The following ZNF331 variants were observed in gnomAD, a reference collection of about 807,000 sequenced individuals.
The protein encoded by ZNF331 is zinc finger protein 331.
Under a neutral mutation model 7.0 loss-of-function variants are expected in ZNF331, and 2 were observed. The observed-to-expected ratio is 0.29, with a 90% CI of 0.12 to 0.90. The LOEUF (loss-of-function observed/expected upper bound fraction) is 0.90, where lower values mean the gene tolerates loss of function less well. Ranked by LOEUF, ZNF331 falls within the 40% of genes least tolerant of loss-of-function variation. ZNF331 has a pLI of 0.58. For missense variants in ZNF331, 432 were observed against 587.7 expected, an observed-to-expected ratio of 0.74 and a Z score of 2.74; for synonymous variants, 196 against 205.4, an observed-to-expected ratio of 0.95 and a Z score of 0.39.
chr19:53,571,419 TTCAGTG>T lies in ZNF331; in HGVS notation c.10-184_10-179del, dbSNP rs1316981591. On this transcript the variant is annotated intron_variant, in intron 4 of 5. Coordinates refer to ENST00000449416, the MANE Select transcript of ZNF331 (RefSeq NM_001079906.2). The surrounding 1 kb of genome is among the most constrained non-coding windows in gnomAD (Gnocchi z 4.7). ...CATTTTCTCTGCAGCGGTAGAGCTC[TTCAGTG>T]ACATGCAGGCATTCTGCTTCCGTCA... Among the ~76,000 whole-genome samples the T allele has an allele frequency of 1.3e-5, 2 of 152,154 alleles. No homozygotes were observed. The highest frequency in any genetic ancestry group is 2.4e-5 in the African/African-American group (1 of 41,450).
rs2089586048 is a variant in ZNF331, at chr19:53,558,679, G to C, written c.-74+2771G>C. Among the ~76,000 whole-genome samples, 1 of 151,910 alleles carries C rather than the reference G, an allele frequency of 6.6e-6. No homozygotes were observed. Among genetic ancestry groups the C allele is most frequent in the Admixed American group, 6.6e-5 (1 of 15,250 alleles). ...GGCAGGTGAAAGGAGGGCAAGAGAA[G>C]ATGAGAGAGAGATTCTGCTTCCCGA... On this transcript the variant is annotated intron_variant, in intron 3 of 5. Coordinates refer to ENST00000449416, the MANE Select transcript of ZNF331 (RefSeq NM_001079906.2). The surrounding 1 kb of genome is among the most constrained non-coding windows in gnomAD (Gnocchi z 4.5).
At chr19:53,534,785 A>G (rs2087677140), upstream of ZNF331, among the ~76,000 whole-genome samples, 1 of 152,170 alleles carries the variant, frequency 6.6e-6, no homozygotes, top group Non-Finnish European at 1.5e-5. Context: ...TAGCAATTTA[A>G]GTCCATCTGC....
At chr19:53,529,133 T>G (rs191673450) in intron 2 of ZNF331, among the ~76,000 whole-genome samples, 1 of 152,278 alleles carries the variant, frequency 6.6e-6, no homozygotes, top group African/African-American at 2.4e-5. Flanking sequence ...CTGGGCGTGG[T>G]GGCTCACGCC....
intron 1 of ZNF331, among the ~76,000 whole-genome samples, chr19:53,522,426 G>A (rs113249047): frequency 8.6e-5 from 13 of 151,912 alleles, no homozygotes; most frequent in African/African-American, 2.9e-4. Context: ...TAGTAGAGAC[G>A]GGATTTCACC....
intron 2 of ZNF331, among the ~76,000 whole-genome samples, chr19:53,548,150 C>T (rs1414094938): frequency 6.6e-6 from 1 of 151,908 alleles, no homozygotes; most frequent in Non-Finnish European, 1.5e-5. Context: ...CCTCTGTCAC[C>T]CAGGCTGGAG....
rs1032294808 is a variant in ZNF331, at chr19:53,560,009, C to T, written c.-74+4101C>T. Among the ~76,000 whole-genome samples, 22 of 147,724 alleles carry T rather than the reference C, an allele frequency of 1.5e-4. No homozygotes were observed. The highest frequency in any genetic ancestry group is 2.2e-4 in the South Asian group (1 of 4,482). ...CACACCATATATACACACACATATACGCACACACACCCCATACACATGCAT... is the reference window on the plus strand; with the variant it reads ...CACACCATATATACACACACATATATGCACACACACCCCATACACATGCAT... On this transcript the variant is annotated intron_variant, in intron 3 of 5. Coordinates refer to ENST00000449416, the MANE Select transcript of ZNF331 (RefSeq NM_001079906.2). The surrounding 1 kb of genome is among the most constrained non-coding windows in gnomAD (Gnocchi z 4.3).
chr19:53,511,464 A>C, the ZNF331 span, among the ~76,000 whole-genome samples: 1 of 152,120 alleles, frequency 6.6e-6, no homozygotes, highest in African/African-American at 2.4e-5. Flanking sequence ...AAATAGAAGA[A>C]AATTTAAATC....
chr19:53,577,361 G>A lies in ZNF331; in HGVS notation c.801G>A (p.Gly267=). ...KLIQHKRIHS[G]EKPYECKDCG... ...TTCAGCACAAGAGAATTCATAGTGGGGAGAAGCCTTACGAGTGTAAAGACT... is the reference window on the plus strand; with the variant it reads ...TTCAGCACAAGAGAATTCATAGTGGAGAGAAGCCTTACGAGTGTAAAGACT... The change falls in exon 6 of 6, where the codon GGG becomes GGA. Residue 267 remains glycine (G), a synonymous_variant. Transcript: ENST00000449416. 4 of 1,614,110 alleles carry A rather than the reference G, an allele frequency of 2.5e-6. No individual in the cohort carries two copies. The highest frequency in any genetic ancestry group is 3.4e-6 in the Non-Finnish European group (4 of 1,180,032).
At chr19:53,550,682 T>G (rs917734187) in intron 2 of ZNF331, among the ~76,000 whole-genome samples, 3 of 150,714 alleles carry the variant, frequency 2.0e-5, no homozygotes, top group Non-Finnish European at 4.4e-5. Flanking sequence ...GATTACAGGC[T>G]CCTGCCACCA....
intron 3 of ZNF331, among the ~76,000 whole-genome samples, chr19:53,559,909 CACAT>C (rs1325222047): frequency 6.0e-5 from 9 of 150,898 alleles, no homozygotes; most frequent in African/African-American, 1.2e-4. Context: ...CACATATGTA[CACAT>C]ACATACCCAC....
Position 53,573,833 on chromosome 19 carries a change from C to A in ZNF331, c.136+2103C>A, listed in dbSNP as rs2090577177. Among the ~76,000 whole-genome samples the A allele has an allele frequency of 6.6e-6, 1 of 152,164 alleles. No homozygotes were observed. The highest frequency in any genetic ancestry group is 2.4e-5 in the African/African-American group (1 of 41,440). On this transcript the variant is annotated intron_variant, in intron 5 of 5. Coordinates refer to ENST00000449416, the MANE Select transcript of ZNF331 (RefSeq NM_001079906.2). The surrounding 1 kb of genome is among the most constrained non-coding windows in gnomAD (Gnocchi z 4.2). ...ATACTCAATCAAAAAAAATTTAAGGCCAGGCATGGTGGTTCACGCCTATAA... is the reference window on the plus strand; with the variant it reads ...ATACTCAATCAAAAAAAATTTAAGGACAGGCATGGTGGTTCACGCCTATAA...
At chr19:53,528,459 T>C (rs1455393971) in intron 2 of ZNF331, among the ~76,000 whole-genome samples, 1 of 152,246 alleles carries the variant, frequency 6.6e-6, no homozygotes, top group African/African-American at 2.4e-5. Flanking sequence ...CTATGTTTTA[T>C]GTAGATTATC....
At chr19:53,549,766 G>A (rs2088865003) in intron 2 of ZNF331, among the ~76,000 whole-genome samples, 1 of 147,230 alleles carries the variant, frequency 6.8e-6, no homozygotes, top group African/African-American at 2.5e-5. Context: ...TTTATTTTTT[G>A]CTCTAATCTT....
intron 2 of ZNF331, among the ~76,000 whole-genome samples, chr19:53,528,789 C>A (rs956188133): frequency 2.0e-5 from 3 of 149,198 alleles, no homozygotes; most frequent in Non-Finnish European, 4.5e-5. Context: ...TCAGATATTT[C>A]TTTTTTTTTT....
Position 53,526,803 on chromosome 19 carries a change from C to T in ZNF331, c.-205+4119C>T, listed in dbSNP as rs559632170. Among the ~76,000 whole-genome samples the T allele has an allele frequency of 1.8e-4, 27 of 151,858 alleles. No homozygotes were observed. The South Asian group carries it at 4.4e-3, about 25-fold the overall frequency. On this transcript the variant is annotated intron_variant, in intron 2 of 6. Transcript: ENST00000253144. ...TCCTGACCTCGTGATCCGCCCACCT[C>T]GGCCTCCCAAAGTGCTGGGATTACA...
chr19:53,560,109 TACAC>T lies in ZNF331; in HGVS notation c.-74+4207_-74+4210del, dbSNP rs1165988188. Among the ~76,000 whole-genome samples, 2 of 148,332 alleles carry T rather than the reference TACAC, an allele frequency of 1.3e-5. No individual in the cohort carries two copies. Among genetic ancestry groups the T allele is most frequent in the Admixed American group, 1.4e-4 (2 of 14,812 alleles). Reference sequence around the variant, plus strand: ...TATATACACACATATACCCACACCATACACACACATATATACACACACCATATAT... The same window carrying T: ...TATATACACACATATACCCACACCATACACATATATACACACACCATATAT... On this transcript the variant is annotated intron_variant, in intron 3 of 5. Transcript: ENST00000449416. This position sits in a 1 kb window ranked among gnomAD's most constrained non-coding sequence, Gnocchi z 4.3.
chr19:53,534,390 C>A (rs1395429968), upstream of ZNF331, among the ~76,000 whole-genome samples: 1 of 152,102 alleles, frequency 6.6e-6, no homozygotes, highest in Non-Finnish European at 1.5e-5. Context: ...CAGATTCAAG[C>A]GATTCTTCTG....
chr19:53,514,492 C>T, the ZNF331 span, among the ~76,000 whole-genome samples: 7 of 152,096 alleles, frequency 4.6e-5, no homozygotes, highest in African/African-American at 2.4e-5. Flanking sequence ...TGAGCCACCG[C>T]GCCTAGCCCT....
intron 1 of ZNF331, among the ~76,000 whole-genome samples, chr19:53,522,264 T>G (rs2708753): frequency 0.034 from 5,123 of 151,246 alleles, 166 homozygotes; most frequent in African/African-American, 0.078. Context: ...TTGTTTTTTT[T>G]TTTTTTGAGA....
Sources: allele counts gnomAD v4.1 joint callset (sites outside exome capture counted in the v4.1 genomes callset), GRCh38; gene constraint gnomAD v4.1.1; non-coding constraint Gnocchi (gnomAD v3.1); transcripts MANE v1.5; gene names NCBI Gene and HGNC (gene_info 2026-07-23, HGNC 2026-07-21).